The following ZFHX3 variants were observed in gnomAD, a reference collection of about 807,000 sequenced individuals.
The protein encoded by ZFHX3 is zinc finger homeobox protein 3.
ZFHX3 carries 42 observed loss-of-function variants against 279.1 expected under a neutral mutation model. That is an observed-to-expected ratio of 0.15 (90% CI 0.12 to 0.19). The LOEUF (loss-of-function observed/expected upper bound fraction) is 0.19, where lower values mean the gene tolerates loss of function less well. Ranked by LOEUF, ZFHX3 falls within the 10% of genes least tolerant of loss-of-function variation. The probability of loss-of-function intolerance (pLI) is 1.00; values close to 1 mark genes in which losing one functional copy is unlikely to be tolerated. For synonymous variants in ZFHX3, 2,293 were observed against 1,957.8 expected (o/e 1.17, Z -4.52); for missense variants, 4,981 against 4,754.0 (o/e 1.05, Z -1.40).
chr16:73,541,656 C>A (rs1173613803), intron 2 of ZFHX3, among the ~76,000 whole-genome samples: 4 of 152,060 alleles, frequency 2.6e-5, no homozygotes, highest in Non-Finnish European at 5.9e-5. Flanking sequence ...TGCCATCACC[C>A]CTTTTCCTTA....
intron 4 of ZFHX3, among the ~76,000 whole-genome samples, chr16:72,867,320 C>T (rs1220955544): frequency 6.6e-6 from 1 of 152,212 alleles, no homozygotes; most frequent in Non-Finnish European, 1.5e-5. Context: ...AACAGCATCA[C>T]TCGCAGAGCA....
intron 2 of ZFHX3, among the ~76,000 whole-genome samples, chr16:73,627,943 G>A (rs762893705): frequency 1.3e-5 from 2 of 152,068 alleles, no homozygotes; most frequent in African/African-American, 4.8e-5. Flanking sequence ...GAAAACAGCT[G>A]TTAATGGGAA....
chr16:73,647,752 G>A (rs1040392499), intron 2 of ZFHX3, among the ~76,000 whole-genome samples: 1 of 151,892 alleles, frequency 6.6e-6, no homozygotes, highest in Admixed American at 6.6e-5. Context: ...AAACAAAAAA[G>A]AAGGAAGAAA....
intron 1 of ZFHX3, among the ~76,000 whole-genome samples, chr16:73,686,616 C>T (rs58125193): frequency 0.044 from 6,688 of 152,164 alleles, 284 homozygotes; most frequent in African/African-American, 0.11. Context: ...CCATAATTGT[C>T]TCAGCCTCTT....
intron 2 of ZFHX3, among the ~76,000 whole-genome samples, chr16:73,456,903 C>A (rs921447040): frequency 6.6e-6 from 1 of 152,202 alleles, no homozygotes; most frequent in African/African-American, 2.4e-5. Context: ...ATATTCCGAG[C>A]AAAATACTTG....
chr16:72,956,336 A>G (rs1961248273), intron 2 of ZFHX3, among the ~76,000 whole-genome samples: 1 of 152,186 alleles, frequency 6.6e-6, no homozygotes, highest in African/African-American at 2.4e-5. Flanking sequence ...AATTCAGGCC[A>G]TTGTCACTGG....
chr16:73,623,236 C>A (rs958744916), intron 2 of ZFHX3, among the ~76,000 whole-genome samples: 1 of 152,084 alleles, frequency 6.6e-6, no homozygotes, highest in Admixed American at 6.5e-5. Flanking sequence ...CGGAGTTTCA[C>A]CATGTTAGCA....
intron 4 of ZFHX3, among the ~76,000 whole-genome samples, chr16:73,267,052 T>C (rs941559614): frequency 3.9e-5 from 6 of 152,170 alleles, no homozygotes; most frequent in African/African-American, 1.4e-4. Context: ...AAGTGCATGG[T>C]GATAAAAAAG....
At chr16:73,304,356 G>A (rs1231010610) in intron 4 of ZFHX3, among the ~76,000 whole-genome samples, 1 of 152,174 alleles carries the variant, frequency 6.6e-6, no homozygotes, top group African/African-American at 2.4e-5. Context: ...GGCTGGCGGG[G>A]CTTTGCCATG....
intron 2 of ZFHX3, among the ~76,000 whole-genome samples, chr16:73,507,028 G>T (rs78696404): frequency 6.6e-6 from 1 of 151,990 alleles, no homozygotes; most frequent in East Asian, 1.9e-4. Flanking sequence ...GTCTTCCTTC[G>T]CACAACCTCC....
At chr16:73,062,739 A>G (rs1965701213), upstream of ZFHX3, among the ~76,000 whole-genome samples, 1 of 152,004 alleles carries the variant, frequency 6.6e-6, no homozygotes, top group African/African-American at 2.4e-5. Context: ...AAAGGAAGAA[A>G]AAAGAAAACC....
intron 1 of ZFHX3, among the ~76,000 whole-genome samples, chr16:73,028,409 C>G (rs1964585959): frequency 6.6e-6 from 1 of 152,142 alleles, no homozygotes; most frequent in South Asian, 2.1e-4. Context: ...GCCAGGCAGG[C>G]TCAGATCCCC....
intron 5 of ZFHX3, among the ~76,000 whole-genome samples, chr16:73,155,571 C>T (rs1967057499): frequency 6.6e-6 from 1 of 152,062 alleles, no homozygotes; most frequent in South Asian, 2.1e-4. Flanking sequence ...GCCTATAATC[C>T]CAGCACTTTG....
At chr16:73,685,045 T>C (rs993466171) in intron 1 of ZFHX3, among the ~76,000 whole-genome samples, 2 of 141,908 alleles carry the variant, frequency 1.4e-5, no homozygotes, top group Non-Finnish European at 3.0e-5. Flanking sequence ...AGACAGAGTC[T>C]CACTCTGTCG....
At chr16:72,815,640 T>G (rs2036583271) in intron 5 of ZFHX3, among the ~76,000 whole-genome samples, 2 of 152,210 alleles carry the variant, frequency 1.3e-5, no homozygotes, top group South Asian at 4.1e-4. Context: ...GTTTCTCACT[T>G]TGAAGGCTTT....
Position 73,346,574 on chromosome 16 carries a change from C to T in ZFHX3, c.-1290-28238G>A, listed in dbSNP as rs971896862. ...GCAACCTCCACCTCCCCGGTTCAAG[C>T]GATTCTTATGCCTCAGCCACTGGAG... On this transcript the variant is annotated intron_variant, in intron 3 of 17. Transcript: ENST00000641206. Among the ~76,000 whole-genome samples the T allele has an allele frequency of 9.2e-5, 14 of 152,322 alleles. No homozygotes were observed. The South Asian group carries it at 2.5e-3, about 27-fold the overall frequency.
chr16:73,138,926 C>T lies in ZFHX3; in HGVS notation c.-1024+4826G>A, dbSNP rs375734571. Among the ~76,000 whole-genome samples, 117 of 152,274 alleles carry T rather than the reference C, an allele frequency of 7.7e-4. 1 individual carries two copies. The highest frequency in any genetic ancestry group is 2.0e-4 in the Admixed American group (3 of 15,304). ...GCCCGGTCTCAAACTCCTAGGCTTA[C>T]GCAATCCTCCTGCCTCGGCCTCCCA... On this transcript the variant is annotated intron_variant, in intron 6 of 17. Coordinates refer to the ZFHX3 transcript ENST00000641206.
chr16:73,348,468 C>T (rs1489407827), intron 3 of ZFHX3, among the ~76,000 whole-genome samples: 1 of 152,202 alleles, frequency 6.6e-6, no homozygotes, highest in African/African-American at 2.4e-5. Flanking sequence ...TTCAATATAG[C>T]CTTCTCATTC....
At chr16:73,744,346 A>G (rs2053685354) in intron 1 of ZFHX3, among the ~76,000 whole-genome samples, 2 of 152,220 alleles carry the variant, frequency 1.3e-5, no homozygotes, top group Admixed American at 1.3e-4. Context: ...TAATCGGAAC[A>G]ACTCATCTAG....
Sources: gnomAD v4.1 joint callset for allele counts (sites outside exome capture counted in the v4.1 genomes callset) on GRCh38, gnomAD v4.1.1 for gene constraint, MANE v1.5 for transcripts, NCBI Gene and HGNC (gene_info 2026-07-23, HGNC 2026-07-21) for gene names.